The following LIN7A variants were observed in gnomAD, a reference collection of about 807,000 sequenced individuals.
LIN7A encodes protein lin-7 homolog A.
LIN7A carries 25 observed loss-of-function variants against 29.8 expected under a neutral mutation model. The ratio of observed to expected loss-of-function variants is 0.84; its 90% confidence interval spans 0.61 to 1.17. The LOEUF (loss-of-function observed/expected upper bound fraction) is 1.17, where lower values mean the gene tolerates loss of function less well. Ranked by LOEUF, LIN7A falls within the 50% of genes most tolerant of loss-of-function variation. LIN7A has a pLI of 0.00. For missense variants in LIN7A, 239 were observed against 287.0 expected (o/e 0.83, Z 1.21); for synonymous variants, 118 against 107.5 (o/e 1.10, Z -0.60).
intron 4 of LIN7A, among the ~76,000 whole-genome samples, chr12:80,813,222 A>G (rs1176649167): frequency 6.6e-6 from 1 of 152,206 alleles, no homozygotes; most frequent in Non-Finnish European, 1.5e-5. Flanking sequence ...CATGTTAGCC[A>G]GGATGGTCTT....
intron 1 of LIN7A, among the ~76,000 whole-genome samples, chr12:80,898,701 T>C (rs1876039233): frequency 6.6e-6 from 1 of 152,158 alleles, no homozygotes; most frequent in Admixed American, 6.5e-5. Context: ...TCTTTTTGCC[T>C]CCCTAGTTAG....
chr12:80,937,687 T>A lies in LIN7A; in HGVS notation c.36A>T (p.Ala12=). ...GGACCACTGTCAATGTCGCCATGTCTGCCGTGGGAGCCGAAGTGACGCTCG... is the reference window on the plus strand; with the variant it reads ...GGACCACTGTCAATGTCGCCATGTCAGCCGTGGGAGCCGAAGTGACGCTCG... ...LKPSVTSAPT[A]DMATLTVVQP... Residue 12 remains alanine, a synonymous_variant, in exon 1 of 6, where the codon GCA becomes GCT. Transcript: ENST00000552864. 1 of 1,555,562 alleles carries A rather than the reference T, an allele frequency of 6.4e-7. No homozygotes were observed. The highest frequency in any genetic ancestry group is 8.7e-7 in the Non-Finnish European group (1 of 1,147,178).
intron 2 of LIN7A, among the ~76,000 whole-genome samples, chr12:80,863,197 G>C (rs1215150826): frequency 6.6e-6 from 1 of 152,178 alleles, no homozygotes; most frequent in Non-Finnish European, 1.5e-5. Context: ...CTGACTTAAG[G>C]CTGATTTCTA....
At chr12:80,902,765 A>T (rs778482309) in intron 1 of LIN7A, among the ~76,000 whole-genome samples, 6 of 152,024 alleles carry the variant, frequency 3.9e-5, no homozygotes, top group Non-Finnish European at 7.4e-5. Flanking sequence ...CTTTTGGCAG[A>T]GTCTTTAGGA....
At chr12:80,920,245 A>C (rs1166677840) in intron 1 of LIN7A, among the ~76,000 whole-genome samples, 1 of 152,200 alleles carries the variant, frequency 6.6e-6, no homozygotes, top group Admixed American at 6.5e-5. Flanking sequence ...TTTGAATTTA[A>C]TATGATATCC....
intron 2 of LIN7A, among the ~76,000 whole-genome samples, chr12:80,860,158 T>A (rs942647078): frequency 6.6e-6 from 1 of 152,176 alleles, no homozygotes; most frequent in African/African-American, 2.4e-5. Flanking sequence ...GATTACTGAG[T>A]CAAAAGTATA....
At chr12:80,807,077 T>TTTTGTTTTTTTTTG (rs1555221367) in intron 5 of LIN7A, among the ~76,000 whole-genome samples, 4 of 115,538 alleles carry the variant, frequency 3.5e-5, no homozygotes, top group Non-Finnish European at 7.2e-5. Context: ...TTTTTTTTTT[T>TTTTGTTTTTTTTTG]TTTTTTTTTT....
At chr12:80,915,862 C>A (rs1179977762) in intron 1 of LIN7A, among the ~76,000 whole-genome samples, 2 of 152,084 alleles carry the variant, frequency 1.3e-5, no homozygotes, top group African/African-American at 2.4e-5. Context: ...GAACAACAGA[C>A]AATGAAGAAT....
At chr12:80,930,511 A>G (rs1877840099) in intron 1 of LIN7A, among the ~76,000 whole-genome samples, 1 of 152,218 alleles carries the variant, frequency 6.6e-6, no homozygotes, top group African/African-American at 2.4e-5. Flanking sequence ...TCATGTATTT[A>G]TGGTTAAAAA....
At chr12:80,827,829 T>C (rs1389150672) in intron 4 of LIN7A, among the ~76,000 whole-genome samples, 3 of 152,178 alleles carry the variant, frequency 2.0e-5, no homozygotes. Context: ...TATGATGGTT[T>C]ACAAGGACCT....
intron 2 of LIN7A, among the ~76,000 whole-genome samples, chr12:80,886,616 T>A (rs1029074150): frequency 8.5e-5 from 13 of 152,072 alleles, no homozygotes; most frequent in African/African-American, 3.1e-4. Flanking sequence ...AAATTATTAC[T>A]AAGGACTTTA....
chr12:80,798,799 T>C (rs979774822), intron 5 of LIN7A, among the ~76,000 whole-genome samples: 6 of 152,024 alleles, frequency 3.9e-5, no homozygotes, highest in East Asian at 1.9e-4. Flanking sequence ...TTTTTTTTTT[T>C]TGAGTTGAAG....
chr12:80,859,974 T>C (rs962399291), intron 2 of LIN7A, among the ~76,000 whole-genome samples: 1 of 152,232 alleles, frequency 6.6e-6, no homozygotes, highest in Non-Finnish European at 1.5e-5. Flanking sequence ...TACATATTAA[T>C]GCTTATTCTA....
chr12:80,805,562 C>T (rs1870935158), intron 5 of LIN7A, among the ~76,000 whole-genome samples: 1 of 152,020 alleles, frequency 6.6e-6, no homozygotes, highest in African/African-American at 2.4e-5. Flanking sequence ...TCTTGACTTC[C>T]TCAGAATGTT....
Position 80,797,347 on chromosome 12 carries a change from G to T in LIN7A, c.*380C>A, listed in dbSNP as rs1870497879. On this transcript the variant is annotated 3_prime_UTR_variant, in exon 6 of 6. Transcript: ENST00000552864. The stretch of plus-strand genomic sequence containing the variant: ...CAGTTTGAATTATAGCCTAATGAGG[G>T]GTTTGCTAATATCTGGAAAAGCTAT... 6.6e-6 allele frequency: 1 copy of T among 152,490 alleles called. No individual in the cohort carries two copies. Among genetic ancestry groups the T allele is most frequent in the African/African-American group, 2.4e-5 (1 of 41,406 alleles). The allele number at this position is 152,490 out of a possible 1,614,324, so 9.4% of individuals were successfully genotyped here.
chr12:80,881,178 G>A (rs1317940085), intron 2 of LIN7A, among the ~76,000 whole-genome samples: 2 of 152,020 alleles, frequency 1.3e-5, no homozygotes, highest in African/African-American at 4.8e-5. Flanking sequence ...TCTATATTGT[G>A]TGATTTATTT....
In LIN7A at chr12:80,828,898, A is replaced by G. The variant is rs571664917; in HGVS notation, c.483+16832T>C. ...GGTGTTTCTACACGTGGAGAGAGAGAGGGGCTGGAACGGATTGAGGAAAAC... is the reference window on the plus strand; with the variant it reads ...GGTGTTTCTACACGTGGAGAGAGAGGGGGGCTGGAACGGATTGAGGAAAAC... On this transcript the variant is annotated intron_variant, in intron 4 of 5. Coordinates refer to ENST00000552864, the MANE Select transcript of LIN7A (RefSeq NM_004664.4). Among the ~76,000 whole-genome samples, 3 of 152,258 alleles carry G rather than the reference A, an allele frequency of 2.0e-5. 1 individual carries two copies. The highest frequency in any genetic ancestry group is 4.8e-5 in the African/African-American group (2 of 41,556).
chr12:80,800,489 C>CA lies in LIN7A; in HGVS notation c.*1-2764dup, dbSNP rs55772850. Among the ~76,000 whole-genome samples, 81 of 38,084 alleles carry CA rather than the reference C, an allele frequency of 2.1e-3. 11 individuals are homozygous for CA. Among genetic ancestry groups the CA allele is most frequent in the East Asian group, 6.6e-3 (5 of 756 alleles). 25.0% of individuals were successfully genotyped at this position (38,084 alleles called of 152,430 possible). A position where few individuals can be genotyped will look rare whatever the true frequency, so the allele number is the denominator to read the frequency against. ...GGGCAGCAAGAGTGAAACTCCGTCT[C>CA]AAAAAAAAAAAAAAAAAAAAAAAAA... On this transcript the variant is annotated intron_variant, in intron 5 of 5. Transcript: ENST00000552864.
intron 1 of LIN7A, among the ~76,000 whole-genome samples, chr12:80,923,316 G>C (rs1052281936): frequency 6.6e-6 from 1 of 152,092 alleles, no homozygotes; most frequent in Admixed American, 6.6e-5. Context: ...TGAGGGGCCT[G>C]TGGGTCTTCT....
Sources: allele counts gnomAD v4.1 joint callset (sites outside exome capture counted in the v4.1 genomes callset), GRCh38; gene constraint gnomAD v4.1.1; transcripts MANE v1.5; gene names NCBI Gene and HGNC (gene_info 2026-07-23, HGNC 2026-07-21).